Variants in STK31 observed in about 807,000 individuals in gnomAD.
STK31 encodes the protein serine/threonine kinase 31, also known as serine/threonine-protein kinase 31.
STK31 carries 89 observed loss-of-function variants against 129.7 expected under a neutral mutation model. The ratio of observed to expected loss-of-function variants is 0.69; its 90% CI spans 0.58 to 0.82. The LOEUF (loss-of-function observed/expected upper bound fraction) is 0.82, where lower values mean the gene tolerates loss of function less well. STK31 is among the 40% of genes least tolerant of loss of function. The pLI, the probability that STK31 is intolerant of heterozygous loss-of-function variation, is 0.00. For missense variants in STK31, 1,187 were observed against 1,176.4 expected (o/e 1.01, Z -0.13); for synonymous variants, 448 against 395.3 (o/e 1.13, Z -1.58).
intron 5 of STK31, among the ~76,000 whole-genome samples, chr7:23,727,762 A>G (rs1031018059): frequency 2.0e-5 from 3 of 151,444 alleles, no homozygotes; most frequent in Non-Finnish European, 4.4e-5. Context: ...GGGTTTCACC[A>G]TGTTTGTCAG....
intron 10 of STK31, among the ~76,000 whole-genome samples, chr7:23,761,192 G>A (rs2128098635): frequency 6.6e-6 from 1 of 152,200 alleles, no homozygotes; most frequent in South Asian, 2.1e-4. Flanking sequence ...GTACAGATGT[G>A]ACTTTTTTTG....
At chr7:23,785,667 ATTTC>A in intron 18 of STK31, 64 bp downstream of exon 18, 3 of 1,525,620 alleles carry the variant, frequency 2.0e-6, no homozygotes, top group Admixed American at 3.9e-5. Flanking sequence ...GTGCTGTTAC[ATTTC>A]AAGAAAGAAA....
chr7:23,787,531 C>T (rs1405482302), intron 20 of STK31, among the ~76,000 whole-genome samples: 1 of 152,000 alleles, frequency 6.6e-6, no homozygotes, highest in Non-Finnish European at 1.5e-5. Context: ...AGCTCCACTT[C>T]CTGTAAGATC....
intron 3 of STK31, among the ~76,000 whole-genome samples, chr7:23,715,732 T>G (rs989480670): frequency 6.6e-6 from 1 of 152,228 alleles, no homozygotes; most frequent in African/African-American, 2.4e-5. Flanking sequence ...TGTTCTATGC[T>G]GAGACTTTGA....
intron 11 of STK31, among the ~76,000 whole-genome samples, chr7:23,763,888 T>A (rs1344052442): frequency 2.0e-5 from 3 of 152,236 alleles, no homozygotes; most frequent in Non-Finnish European, 4.4e-5. Context: ...ACCTTTTATG[T>A]ATCTTTGAAT....
At chr7:23,770,653 C>T (rs371103389) in intron 13 of STK31, among the ~76,000 whole-genome samples, 4 of 151,670 alleles carry the variant, frequency 2.6e-5, no homozygotes, top group East Asian at 3.9e-4. Flanking sequence ...CTTGCTCTGT[C>T]GCCCAGGCTG....
chr7:23,785,710 A>G (rs1027670604), intron 18 of STK31, 107 bp downstream of exon 18: 34 of 1,390,252 alleles, frequency 2.4e-5, no homozygotes, highest in African/African-American at 2.9e-5. Flanking sequence ...TCTAAAGTGT[A>G]TAAGTTGACT....
intron 23 of STK31, among the ~76,000 whole-genome samples, chr7:23,821,047 C>A (rs1287510676): frequency 1.3e-5 from 2 of 152,062 alleles, no homozygotes; most frequent in African/African-American, 2.4e-5. Context: ...TGATGAATAT[C>A]AAATATTTTG....
At chr7:23,719,451 G>T (rs1158298936) in intron 4 of STK31, among the ~76,000 whole-genome samples, 1 of 152,072 alleles carries the variant, frequency 6.6e-6, no homozygotes, top group Non-Finnish European at 1.5e-5. Context: ...GGAAAGGGCA[G>T]ATGATAACTC....
chr7:23,782,502 A>T (rs1220290221), intron 16 of STK31, among the ~76,000 whole-genome samples: 1 of 151,546 alleles, frequency 6.6e-6, no homozygotes, highest in Non-Finnish European at 1.5e-5. Context: ...AGAAAAGAAA[A>T]GAAAGTAATA....
In STK31 at chr7:23,754,421, A is replaced by C. The variant is rs774188342; in HGVS notation, c.1240A>C (p.Ile414Leu). The C allele has an allele frequency of 6.2e-7, 1 of 1,613,996 alleles. No homozygotes were observed. Among genetic ancestry groups the C allele is most frequent in the South Asian group, 1.1e-5 (1 of 91,056 alleles). Residue 414 changes from isoleucine (I) to leucine (L), a missense_variant, in exon 10 of 24, where the codon ATA becomes CTA. Transcript: ENST00000355870. ...AGCTTCTTTGAATGGATTAGAGATA[A>C]TATGGGCAGAATACAGTCTGGCTCA... is the stretch of plus-strand genomic sequence containing the variant. ...TPASLNGLEI[I>L]WAEYSLAQEN... is the part of the protein sequence containing the mutation.
intron 22 of STK31, among the ~76,000 whole-genome samples, chr7:23,799,803 C>A (rs986762265): frequency 2.0e-5 from 3 of 152,102 alleles, no homozygotes; most frequent in African/African-American, 7.2e-5. Flanking sequence ...GAACAGGTAA[C>A]CTACAGAATG....
chr7:23,785,554 A>G lies in STK31; in HGVS notation c.2225A>G (p.Lys742Arg). The G allele has an allele frequency of 1.2e-6, 2 of 1,614,030 alleles. No individual in the cohort carries two copies. Among genetic ancestry groups the G allele is most frequent in the South Asian group, 1.1e-5 (1 of 91,076 alleles). ...GAGCCCATGAAGGAACTTAGCAGCA[A>G]GCGTCCTTTGGTACGTTCTGAGGTT... Reference protein sequence around the residue: ...DAEPMKELSSKRPLVRSEVNG... With the variant: ...DAEPMKELSSRRPLVRSEVNG... The change falls in exon 18 of 24, where the codon AAG becomes AGG. Residue 742 changes from lysine to arginine, a missense_variant. Around this residue, in one of 5 missense-constraint regions of STK31, gnomAD observed 975 missense variants for 934.9 expected, o/e 1.04. Coordinates refer to ENST00000355870, the MANE Select transcript of STK31 (RefSeq NM_031414.5).
chr7:23,755,439 G>T lies in STK31; in HGVS notation c.1293+965G>T, dbSNP rs190678052. ...ATTGCAAAAATTTTCTTCTGTTCAG[G>T]AGAACAGGTTGCCTGTTCACTGTGA... On this transcript the variant is annotated intron_variant, in intron 10 of 23. Transcript: ENST00000355870. Among the ~76,000 whole-genome samples the T allele has an allele frequency of 2.0e-3, 307 of 151,754 alleles. 1 individual carries two copies. Among genetic ancestry groups the T allele is most frequent in the African/African-American group, 7.1e-3 (294 of 41,456 alleles).
Position 23,737,071 on chromosome 7 carries a change from A to G in STK31, c.1010A>G (p.Glu337Gly). The change falls in exon 8 of 24, where the codon GAG (glutamate) becomes GGG (glycine). Residue 337 changes from glutamate (E) to glycine (G), a missense_variant. Physicochemically the swap from Glu to Gly is moderately conservative, Grantham distance 98. Transcript: ENST00000355870. The stretch of plus-strand genomic sequence containing the variant: ...TTGAAAGTAGAGCAGATTGCCCAGG[A>G]GCTGCAGGTATGTTCAGTGGCTTAA... ...LELKVEQIAQELQQEKAAAVD... is the reference protein window; with the variant it reads ...LELKVEQIAQGLQQEKAAAVD... The G allele has an allele frequency of 6.2e-7, 1 of 1,604,694 alleles. No individual in the cohort carries two copies. Among genetic ancestry groups the G allele is most frequent in the South Asian group, 1.1e-5 (1 of 90,384 alleles).
At chr7:23,759,015 T>TA (rs1391992295) in intron 10 of STK31, among the ~76,000 whole-genome samples, 1 of 152,114 alleles carries the variant, frequency 6.6e-6, no homozygotes, top group Non-Finnish European at 1.5e-5. Context: ...AAACAGACTT[T>TA]AAATCAACAA....
chr7:23,826,336 C>T lies in STK31; in HGVS notation c.2830-5800C>T, dbSNP rs1584509271. Among the ~76,000 whole-genome samples the T allele has an allele frequency of 3.3e-5, 5 of 152,014 alleles. No individual in the cohort carries two copies. In the South Asian group the frequency reaches 1.0e-3, roughly 32 times the overall value. On this transcript the variant is annotated intron_variant, in intron 23 of 23. Coordinates refer to ENST00000355870, the MANE Select transcript of STK31 (RefSeq NM_031414.5). ...GTTAGTTCTTCTTGTTGAATTGATC[C>T]CTTTAACATTATGTAATGGCCTTCT...
chr7:23,818,619 T>TA (rs70939858), intron 23 of STK31, among the ~76,000 whole-genome samples: 3,731 of 148,700 alleles, frequency 0.025, 149 homozygotes, highest in African/African-American at 0.063. Flanking sequence ...TTTGTTTTGT[T>TA]AAAAAAAAAA....
chr7:23,788,526 AT>A (rs1264015490), intron 21 of STK31, among the ~76,000 whole-genome samples: 1 of 152,094 alleles, frequency 6.6e-6, no homozygotes, highest in East Asian at 1.9e-4. Context: ...AATAATGTGC[AT>A]TTTTAGAAAC....
Sources: allele counts gnomAD v4.1 joint callset (sites outside exome capture counted in the v4.1 genomes callset), GRCh38; gene constraint gnomAD v4.1.1; regional missense constraint gnomAD v4.1.1; transcripts MANE v1.5; gene names NCBI Gene and HGNC (gene_info 2026-07-23, HGNC 2026-07-21).